ZNF865: variants seen among roughly 807,000 people sequenced by gnomAD.
The protein encoded by ZNF865 is zinc finger protein 865.
For synonymous variants in ZNF865, 763 were observed against 750.8 expected, an observed-to-expected ratio of 1.02 and a Z score of -0.27; for missense variants, 1,311 against 1,593.4, an observed-to-expected ratio of 0.82 and a Z score of 3.02.
rs772409045 is a variant in ZNF865, at chr19:55,615,340, C to T, written c.1722C>T (p.Gly574=). ...AGCGCCATGAGCGCATCCACACGGG[C>T]GAGAAGCCCCACCAGTGCCCCGTGT... The part of the protein sequence containing the change: ...TLKRHERIHT[G]EKPHQCPVCG... The change falls in exon 2 of 2, where the codon GGC becomes GGT. Residue 574 remains glycine (G), a synonymous_variant. Coordinates refer to ENST00000568956, the MANE Select transcript of ZNF865 (RefSeq NM_001195605.2). 4 of 1,518,786 alleles carry T rather than the reference C, an allele frequency of 2.6e-6. No individual in the cohort carries two copies. The highest frequency in any genetic ancestry group is 2.5e-5 in the South Asian group (2 of 81,496). The allele number at this position is 1,518,786 out of a possible 1,614,324, so 94.1% of individuals were successfully genotyped here.
intron 1 of ZNF865, among the ~76,000 whole-genome samples, chr19:55,608,155 G>T (rs1230624611): frequency 6.6e-6 from 1 of 152,182 alleles, no homozygotes; most frequent in Non-Finnish European, 1.5e-5. Context: ...GTTGACCAAA[G>T]ATGGGGAGGA....
chr19:55,615,445 G>T lies in ZNF865; in HGVS notation c.1827G>T (p.Glu609Asp). Residue 609 changes from glutamate to aspartate, a missense_variant, in exon 2 of 2, where the codon GAG (glutamate) becomes GAT (aspartate). By Grantham distance (45) the Glu-to-Asp change is conservative. Transcript: ENST00000568956. ...CGCGCGAGCGGCCCTACAAGTGCGA[G>T]CTCTGCGGCAAGGTCTTCGGCTACC... ...VHTRERPYKC[E>D]LCGKVFGYPQ... is the part of the protein sequence containing the mutation. 6.7e-7 allele frequency: 1 copy of T among 1,498,274 alleles called. No individual in the cohort carries two copies. The allele number at this position is 1,498,274 out of a possible 1,614,324, so 92.8% of individuals were successfully genotyped here. A position where few individuals can be genotyped will look rare whatever the true frequency, so the allele number is the denominator to read the frequency against.
Position 55,615,358 on chromosome 19 carries a change from C to T in ZNF865, c.1740C>T (p.Cys580=), listed in dbSNP as rs1177425026. 6.6e-7 allele frequency: 1 copy of T among 1,511,044 alleles called. No individual in the cohort carries two copies. The highest frequency in any genetic ancestry group is 2.5e-5 in the East Asian group (1 of 39,688). The allele number at this position is 1,511,044 out of a possible 1,614,324, so 93.6% of individuals were successfully genotyped here. ...ACACGGGCGAGAAGCCCCACCAGTGCCCCGTGTGTGGGAAGCGCTTCCGCG... is the reference window on the plus strand; with the variant it reads ...ACACGGGCGAGAAGCCCCACCAGTGTCCCGTGTGTGGGAAGCGCTTCCGCG... The part of the protein sequence containing the change: ...RIHTGEKPHQ[C]PVCGKRFRES... Residue 580 remains cysteine, a synonymous_variant, in exon 2 of 2, where the codon TGC becomes TGT. Coordinates refer to ENST00000568956, the MANE Select transcript of ZNF865 (RefSeq NM_001195605.2).
chr19:55,615,542 C>T lies in ZNF865; in HGVS notation c.1924C>T (p.Leu642Phe), dbSNP rs1361402437. Residue 642 changes from leucine (L) to phenylalanine (F), a missense_variant, in exon 2 of 2, where the codon CTC becomes TTC. Coordinates refer to ENST00000568956, the MANE Select transcript of ZNF865 (RefSeq NM_001195605.2). Reference sequence around the variant, plus strand: ...CTGCGCCCTGGCCGGGGCAGCCGGCCTCCCCTCCACCCAAGGCACACCGGG... The same window carrying T: ...CTGCGCCCTGGCCGGGGCAGCCGGCTTCCCCTCCACCCAAGGCACACCGGG... ...LPCALAGAAG[L>F]PSTQGTPGAC... is the part of the protein sequence containing the mutation. The T allele has an allele frequency of 6.6e-7, 1 of 1,509,022 alleles. No individual in the cohort carries two copies. Among genetic ancestry groups the T allele is most frequent in the Non-Finnish European group, 8.8e-7 (1 of 1,134,948 alleles). 93.5% of individuals were successfully genotyped at this position (1,509,022 alleles called of 1,614,324 possible). A position where few individuals can be genotyped will look rare whatever the true frequency, so the allele number is the denominator to read the frequency against.
chr19:55,611,840 C>A lies in ZNF865; in HGVS notation c.-26-1753C>A, dbSNP rs1294920392. 6.6e-6 allele frequency among the ~76,000 whole-genome samples: 1 copy of A among 152,188 alleles called. No homozygotes were observed. Among genetic ancestry groups the A allele is most frequent in the African/African-American group, 2.4e-5 (1 of 41,436 alleles). ...CGCCCACTTGGTGGAGGTGCTTCCCCAGGCCAGCAAGTAGACCAAGAACTC... is the reference window on the plus strand; with the variant it reads ...CGCCCACTTGGTGGAGGTGCTTCCCAAGGCCAGCAAGTAGACCAAGAACTC... On this transcript the variant is annotated intron_variant, in intron 1 of 1. Coordinates refer to ENST00000568956, the MANE Select transcript of ZNF865 (RefSeq NM_001195605.2). The surrounding 1 kb of genome is among the most constrained non-coding windows in gnomAD (Gnocchi z 4.5).
rs1264903703 is a variant in ZNF865, at chr19:55,617,022, C to T, written c.*224C>T. The T allele has an allele frequency of 6.7e-6, 3 of 447,634 alleles. No homozygotes were observed. Among genetic ancestry groups the T allele is most frequent in the Non-Finnish European group, 1.2e-5 (3 of 260,740 alleles). 27.7% of individuals were successfully genotyped at this position (447,634 alleles called of 1,614,324 possible). On this transcript the variant is annotated 3_prime_UTR_variant, in exon 2 of 2. Coordinates refer to ENST00000568956, the MANE Select transcript of ZNF865 (RefSeq NM_001195605.2). ...CCATCAGACACTGAACCCTATCCTC[C>T]GTCCAACCCTCGTTTGTGACCCGCA... is the stretch of plus-strand genomic sequence containing the variant.
intron 1 of ZNF865, among the ~76,000 whole-genome samples, chr19:55,610,727 C>T (rs527465113): frequency 4.5e-4 from 69 of 152,268 alleles, no homozygotes; most frequent in African/African-American, 1.3e-3. Flanking sequence ...CCTTGCTTTC[C>T]TAGAGAGGGG....
In ZNF865 at chr19:55,614,916, G is replaced by A; in HGVS notation, c.1298G>A (p.Gly433Asp). ...LKHQAAHAGA[G>D]AGGPRPVYPC... Reference sequence around the variant, plus strand: ...CACCAGGCGGCCCACGCGGGGGCGGGCGCCGGGGGGCCTCGGCCCGTGTAC... The same window carrying A: ...CACCAGGCGGCCCACGCGGGGGCGGACGCCGGGGGGCCTCGGCCCGTGTAC... The change falls in exon 2 of 2, where the codon GGC (glycine) becomes GAC (aspartate). Residue 433 changes from glycine (G) to aspartate (D), a missense_variant. Physicochemically the swap from Gly to Asp is moderately conservative, Grantham distance 94. Coordinates refer to ENST00000568956, the MANE Select transcript of ZNF865 (RefSeq NM_001195605.2). This position sits in a 1 kb window ranked among gnomAD's most constrained non-coding sequence, Gnocchi z 8.0. 2.0e-6 allele frequency: 3 copies of A among 1,482,548 alleles called. No homozygotes were observed. The highest frequency in any genetic ancestry group is 2.3e-5 in the Admixed American group (1 of 42,898). The allele number at this position is 1,482,548 out of a possible 1,614,324, so 91.8% of individuals were successfully genotyped here. A position where few individuals can be genotyped will look rare whatever the true frequency, so the allele number is the denominator to read the frequency against.
rs1424465085 is a variant in ZNF865 at position 55,616,136 on chromosome 19, C to T, written c.2518C>T (p.Arg840Cys). 1.3e-6 allele frequency: 2 copies of T among 1,499,456 alleles called. No individual in the cohort carries two copies. Among genetic ancestry groups the T allele is most frequent in the Non-Finnish European group, 1.8e-6 (2 of 1,127,090 alleles). 92.9% of individuals were successfully genotyped at this position (1,499,456 alleles called of 1,614,324 possible). Reference protein sequence around the residue: ...AGAYDLLLHRRSHRQKRGFRC... With the variant: ...AGAYDLLLHRCSHRQKRGFRC... ...CGCCTACGACTTGCTCCTACACCGC[C>T]GCAGCCATCGGCAGAAGCGGGGTTT... Residue 840 changes from arginine (R) to cysteine (C), a missense_variant, in exon 2 of 2, where the codon CGC becomes TGC. Physicochemically the swap from Arg to Cys is radical, Grantham distance 180. Transcript: ENST00000568956.
intron 1 of ZNF865, among the ~76,000 whole-genome samples, chr19:55,606,149 G>A (rs1416176571): frequency 6.6e-6 from 1 of 152,092 alleles, no homozygotes; most frequent in Admixed American, 6.6e-5. Context: ...TCCCCAGAGT[G>A]TTTCCTTAGT....
At position 55,611,804 on chromosome 19, in the gene ZNF865, G is replaced by T. The variant is rs1490554881; in HGVS notation, c.-26-1789G>T. Among the ~76,000 whole-genome samples the T allele has an allele frequency of 6.6e-6, 1 of 152,168 alleles. No homozygotes were observed. Among genetic ancestry groups the T allele is most frequent in the Non-Finnish European group, 1.5e-5 (1 of 68,042 alleles). On this transcript the variant is annotated intron_variant, in intron 1 of 1. Transcript: ENST00000568956. The surrounding 1 kb of genome is among the most constrained non-coding windows in gnomAD (Gnocchi z 4.5). The stretch of plus-strand genomic sequence containing the variant: ...GGTCAGACCTCATGGGCCCTTCACC[G>T]ACTCACCCTCCGCCCACTTGGTGGA...
chr19:55,614,447 G>A lies in ZNF865; in HGVS notation c.829G>A (p.Val277Met), dbSNP rs1981265405. 1.4e-6 allele frequency: 2 copies of A among 1,435,592 alleles called. No homozygotes were observed. The highest frequency in any genetic ancestry group is 1.3e-5 in the South Asian group (1 of 74,232). The allele number at this position is 1,435,592 out of a possible 1,614,324, so 88.9% of individuals were successfully genotyped here. A position where few individuals can be genotyped will look rare whatever the true frequency, so the allele number is the denominator to read the frequency against. ...CCGCCACCGCCGCTGCCACAAGGAC[G>A]TGCCACCGGCCGCGGGGGGCCCGCC... ...LIRHRRCHKDVPPAAGGPPQP... is the reference protein window; with the variant it reads ...LIRHRRCHKDMPPAAGGPPQP... The change falls in exon 2 of 2, where the codon GTG becomes ATG. Residue 277 changes from valine (V) to methionine (M), a missense_variant. By Grantham distance (21) the Val-to-Met change is conservative. Transcript: ENST00000568956. The surrounding 1 kb of genome is among the most constrained non-coding windows in gnomAD (Gnocchi z 8.0).
At position 55,615,400 on chromosome 19, in the gene ZNF865, C is replaced by T. The variant is rs759155259; in HGVS notation, c.1782C>T (p.Ser594=). The T allele has an allele frequency of 1.7e-5, 26 of 1,497,666 alleles. No individual in the cohort carries two copies. The African/African-American group carries it at 3.1e-4, about 18-fold the overall frequency. The allele number at this position is 1,497,666 out of a possible 1,614,324, so 92.8% of individuals were successfully genotyped here. ...GCTTCCGCGAATCCTTCCACTTGAG[C>T]AAGCATCACGTGGTGCACACGCGCG... ...GKRFRESFHL[S]KHHVVHTRER... is the part of the protein sequence containing the mutation. Residue 594 remains serine (S), a synonymous_variant, in exon 2 of 2, where the codon AGC becomes AGT. Transcript: ENST00000568956.
chr19:55,610,655 C>G (rs1357305712), intron 1 of ZNF865, among the ~76,000 whole-genome samples: 1 of 152,198 alleles, frequency 6.6e-6, no homozygotes. Context: ...TGTCAAGCAC[C>G]CACACTGGGC....
Position 55,615,935 on chromosome 19 carries a change from G to T in ZNF865, c.2317G>T (p.Ala773Ser), listed in dbSNP as rs1178768023. The part of the protein sequence containing the change: ...ALAGVSGGED[A>S]GGAAVAGAGG... ...GGCAGGGGTGTCTGGGGGTGAGGAC[G>T]CAGGCGGGGCGGCGGTGGCAGGTGC... The change falls in exon 2 of 2, where the codon GCA becomes TCA. Residue 773 changes from alanine to serine, a missense_variant. Transcript: ENST00000568956. The T allele has an allele frequency of 6.7e-7, 1 of 1,501,950 alleles. No homozygotes were observed. The highest frequency in any genetic ancestry group is 2.6e-5 in the East Asian group (1 of 39,188). 93.0% of individuals were successfully genotyped at this position (1,501,950 alleles called of 1,614,324 possible). A position where few individuals can be genotyped will look rare whatever the true frequency, so the allele number is the denominator to read the frequency against.
Position 55,611,493 on chromosome 19 carries a change from C to T in ZNF865, c.-26-2100C>T, listed in dbSNP as rs1981133087. 6.6e-6 allele frequency among the ~76,000 whole-genome samples: 1 copy of T among 152,222 alleles called. No homozygotes were observed. Among genetic ancestry groups the T allele is most frequent in the Non-Finnish European group, 1.5e-5 (1 of 68,038 alleles). ...CAATTACCACCCCAGCCAAGCCTGT[C>T]CTCTTTCCGGAGATCAGATTAAACG... On this transcript the variant is annotated intron_variant, in intron 1 of 1. Coordinates refer to ENST00000568956, the MANE Select transcript of ZNF865 (RefSeq NM_001195605.2). This position sits in a 1 kb window ranked among gnomAD's most constrained non-coding sequence, Gnocchi z 4.5.
In ZNF865 at chr19:55,616,914, G is replaced by C; in HGVS notation, c.*116G>C. 2 of 1,188,442 alleles carry C rather than the reference G, an allele frequency of 1.7e-6. No individual in the cohort carries two copies. The highest frequency in any genetic ancestry group is 2.2e-6 in the Non-Finnish European group (2 of 900,528). The allele number at this position is 1,188,442 out of a possible 1,614,324, so 73.6% of individuals were successfully genotyped here. A position where few individuals can be genotyped will look rare whatever the true frequency, so the allele number is the denominator to read the frequency against. ...TGCCCCATCCTTCAGAACTTCACAC[G>C]GACTGGCGACCTTCAGGGCGCACGC... is the stretch of plus-strand genomic sequence containing the variant. On this transcript the variant is annotated 3_prime_UTR_variant, in exon 2 of 2. Transcript: ENST00000568956.
At position 55,614,511 on chromosome 19, in the gene ZNF865, C is replaced by A; in HGVS notation, c.893C>A (p.Ala298Glu). Residue 298 changes from alanine (A) to glutamate (E), a missense_variant, in exon 2 of 2, where the codon GCA (alanine) becomes GAA (glutamate). Physicochemically the swap from Ala to Glu is moderately radical, Grantham distance 107 (BLOSUM62 -1). Coordinates refer to ENST00000568956, the MANE Select transcript of ZNF865 (RefSeq NM_001195605.2). This position sits in a 1 kb window ranked among gnomAD's most constrained non-coding sequence, Gnocchi z 8.0. ...GPHLPPLGLP[A>E]PAASAATAAA... Reference sequence around the variant, plus strand: ...CACCTCCCGCCGCTGGGCCTCCCAGCACCCGCTGCCAGCGCCGCCACCGCC... The same window carrying A: ...CACCTCCCGCCGCTGGGCCTCCCAGAACCCGCTGCCAGCGCCGCCACCGCC... The A allele has an allele frequency of 7.4e-7, 1 of 1,356,520 alleles. No homozygotes were observed. The highest frequency in any genetic ancestry group is 1.7e-5 in the South Asian group (1 of 59,088). 84.0% of individuals were successfully genotyped at this position (1,356,520 alleles called of 1,614,324 possible).
Position 55,616,041 on chromosome 19 carries a change from T to G in ZNF865, c.2423T>G (p.Val808Gly). ...GQSFKHFLGL[V>G]THKYVHLVRR... ...AGTTTCAAGCACTTCCTGGGCCTCG[T>G]GACTCACAAGTACGTGCACCTGGTG... The change falls in exon 2 of 2, where the codon GTG becomes GGG. Residue 808 changes from valine to glycine, a missense_variant. Coordinates refer to ENST00000568956, the MANE Select transcript of ZNF865 (RefSeq NM_001195605.2). 1 of 1,525,014 alleles carries G rather than the reference T, an allele frequency of 6.6e-7. No individual in the cohort carries two copies. The highest frequency in any genetic ancestry group is 2.5e-5 in the East Asian group (1 of 40,060). The allele number at this position is 1,525,014 out of a possible 1,614,324, so 94.5% of individuals were successfully genotyped here.
Sources: gnomAD v4.1 joint callset for allele counts (sites outside exome capture counted in the v4.1 genomes callset) on GRCh38, gnomAD v4.1.1 for gene constraint, Gnocchi (gnomAD v3.1) non-coding constraint, MANE v1.5 for transcripts, NCBI Gene and HGNC (gene_info 2026-07-23, HGNC 2026-07-21) for gene names.